SHISA9: variants seen among roughly 807,000 people sequenced by gnomAD.
SHISA9 encodes shisa family member 9, also known as protein shisa-9.
SHISA9 carries 13 observed loss-of-function variants against 38.0 expected under a neutral mutation model. That is an observed-to-expected ratio of 0.34 (90% CI 0.22 to 0.54). SHISA9 has a LOEUF of 0.54. Among genes scored for constraint, SHISA9 ranks in the 20% least tolerant of loss-of-function variants. The pLI, the probability that SHISA9 is intolerant of heterozygous loss-of-function variation, is 0.91. For missense variants in SHISA9, 538 were observed against 575.8 expected (o/e 0.93, Z 0.67); for synonymous variants, 275 against 242.0 (o/e 1.14, Z -1.27).
At chr16:12,935,869 G>A (rs992038399) in intron 2 of SHISA9, among the ~76,000 whole-genome samples, 24 of 120,896 alleles carry the variant, frequency 2.0e-4, no homozygotes, top group African/African-American at 5.8e-4. Flanking sequence ...AAAAAAAAAA[G>A]AAGGGACATA....
chr16:13,034,755 G>A (rs895298855), intron 2 of SHISA9, among the ~76,000 whole-genome samples: 1 of 152,170 alleles, frequency 6.6e-6, no homozygotes, highest in Non-Finnish European at 1.5e-5. Context: ...GCTGAAGAAC[G>A]CTTGTGTGTT....
intron 4 of SHISA9, among the ~76,000 whole-genome samples, chr16:13,232,886 T>C (rs936409842): frequency 2.6e-5 from 4 of 152,224 alleles, no homozygotes; most frequent in African/African-American, 9.6e-5. Flanking sequence ...GTTTCCTATT[T>C]AGACTTTTAA....
chr16:13,427,180 G>A, the SHISA9 span, among the ~76,000 whole-genome samples: 1 of 152,230 alleles, frequency 6.6e-6, no homozygotes, highest in South Asian at 2.1e-4. Context: ...AGCTTAAAAT[G>A]TCACATGTTG....
At chr16:13,312,438 TGAC>T in the SHISA9 span, among the ~76,000 whole-genome samples, 1 of 152,210 alleles carries the variant, frequency 6.6e-6, no homozygotes, top group Non-Finnish European at 1.5e-5. Context: ...AGACACTGAA[TGAC>T]GACTGCCTTG....
At chr16:13,087,690 A>G (rs557362829) in intron 2 of SHISA9, among the ~76,000 whole-genome samples, 1 of 152,116 alleles carries the variant, frequency 6.6e-6, no homozygotes, top group African/African-American at 2.4e-5. Context: ...TATTTCTTGT[A>G]AATTTGTTTG....
intron 2 of SHISA9, among the ~76,000 whole-genome samples, chr16:13,183,023 C>T (rs772757748): frequency 1.3e-5 from 2 of 152,188 alleles, no homozygotes; most frequent in Non-Finnish European, 2.9e-5. Context: ...AACATCTACA[C>T]GTGGCTATTC....
At chr16:13,019,972 C>CTTCG (rs1491331798) in intron 2 of SHISA9, among the ~76,000 whole-genome samples, 11 of 85,366 alleles carry the variant, frequency 1.3e-4, no homozygotes, top group Non-Finnish European at 2.2e-4. Context: ...TCCTTCTTTC[C>CTTCG]TTCCTTCCTT....
intron 3 of SHISA9, among the ~76,000 whole-genome samples, chr16:13,207,537 C>CCCA (rs1356357942): frequency 6.6e-6 from 1 of 152,240 alleles, no homozygotes; most frequent in East Asian, 1.9e-4. Flanking sequence ...TCTGAAGCAT[C>CCCA]CCACGTGGGA....
At chr16:12,962,632 G>C (rs2071926016) in intron 2 of SHISA9, among the ~76,000 whole-genome samples, 1 of 152,142 alleles carries the variant, frequency 6.6e-6, no homozygotes. Flanking sequence ...AAACAGGAGG[G>C]GAGCCCTCAC....
intron 2 of SHISA9, among the ~76,000 whole-genome samples, chr16:13,068,970 T>C (rs1001098280): frequency 3.3e-5 from 5 of 151,964 alleles, no homozygotes; most frequent in Non-Finnish European, 7.4e-5. Context: ...TATGCATGTA[T>C]GTATATATGT....
At chr16:13,446,135 C>T in the SHISA9 span, among the ~76,000 whole-genome samples, 6 of 151,844 alleles carry the variant, frequency 4.0e-5, no homozygotes, top group South Asian at 6.3e-4. Context: ...TTAGTAGAGA[C>T]GGAGTTTCCC....
the SHISA9 span, among the ~76,000 whole-genome samples, chr16:13,525,673 A>T: frequency 6.6e-6 from 1 of 152,266 alleles, no homozygotes; most frequent in Non-Finnish European, 1.5e-5. Flanking sequence ...TATCTACTTT[A>T]TTATAAGAAA....
rs1032276985 is a variant in SHISA9, at chr16:12,902,402, G to A, written c.338G>A (p.Arg113Gln). Residue 113 changes from arginine (R) to glutamine (Q), a missense_variant, in exon 1 of 5, where the codon CGG (arginine) becomes CAG (glutamine). This residue lies in a region of SHISA9 where 88 missense variants were observed against 109.7 expected (regional missense o/e 0.80). Coordinates refer to ENST00000558583, the MANE Select transcript of SHISA9 (RefSeq NM_001145204.3). ...GFRFCCTFKK[R>Q]RLNQSTCTNY... The stretch of plus-strand genomic sequence containing the variant: ...CGGTTCTGCTGCACGTTTAAGAAGC[G>A]GCGACTGAACCAAAGCACCTGCACC... 8 of 1,551,170 alleles carry A rather than the reference G, an allele frequency of 5.2e-6. No individual in the cohort carries two copies. Among genetic ancestry groups the A allele is most frequent in the Non-Finnish European group, 6.1e-6 (7 of 1,146,976 alleles).
chr16:13,551,528 A>C, the SHISA9 span, among the ~76,000 whole-genome samples: 4 of 152,232 alleles, frequency 2.6e-5, no homozygotes, highest in Non-Finnish European at 4.4e-5. Context: ...ACATGTAAAG[A>C]CATAGGACAC....
At chr16:13,552,644 T>A in the SHISA9 span, among the ~76,000 whole-genome samples, 1 of 152,218 alleles carries the variant, frequency 6.6e-6, no homozygotes, top group South Asian at 2.1e-4. Flanking sequence ...ACGCTGCTAT[T>A]TAAAGCCAGG....
chr16:13,265,272 C>T, the SHISA9 span, among the ~76,000 whole-genome samples: 2 of 119,904 alleles, frequency 1.7e-5, no homozygotes, highest in African/African-American at 6.6e-5. Context: ...GCCTTCCATT[C>T]CCCTTTCCTT....
At chr16:12,911,330 G>A (rs1484384935) in intron 1 of SHISA9, 1 of 985,400 alleles carries the variant, frequency 1.0e-6, no homozygotes, top group East Asian at 1.1e-4. Flanking sequence ...GTGGCTTGGA[G>A]CACATAGTTG....
At chr16:13,133,280 C>G (rs190671198) in intron 2 of SHISA9, among the ~76,000 whole-genome samples, 6 of 152,284 alleles carry the variant, frequency 3.9e-5, no homozygotes, top group Admixed American at 3.3e-4. Context: ...TTCCTAGCCT[C>G]TCTCATGATG....
At chr16:13,322,215 T>C in the SHISA9 span, among the ~76,000 whole-genome samples, 1 of 152,136 alleles carries the variant, frequency 6.6e-6, no homozygotes, top group African/African-American at 2.4e-5. Context: ...AATCAGCCAG[T>C]GTTGAAGAAT....
Sources: gnomAD v4.1 joint callset for allele counts (sites outside exome capture counted in the v4.1 genomes callset) on GRCh38, gnomAD v4.1.1 for gene constraint, gnomAD v4.1.1 regional missense constraint, MANE v1.5 for transcripts, NCBI Gene and HGNC (gene_info 2026-07-23, HGNC 2026-07-21) for gene names.